The following NPAS3 variants were observed in gnomAD, a reference collection of about 807,000 sequenced individuals.
NPAS3 encodes the protein neuronal PAS domain-containing protein 3.
Under a neutral mutation model 73.1 loss-of-function variants are expected in NPAS3, and 14 were observed. The ratio of observed to expected loss-of-function variants is 0.19; its 90% confidence interval spans 0.13 to 0.30. The LOEUF (loss-of-function observed/expected upper bound fraction) is 0.30, where lower values mean the gene tolerates loss of function less well. Among genes scored for constraint, NPAS3 ranks in the 10% least tolerant of loss-of-function variants. The probability of loss-of-function intolerance (pLI) is 1.00; values close to 1 mark genes in which losing one functional copy is unlikely to be tolerated. For synonymous variants in NPAS3, 620 were observed against 541.5 expected, an observed-to-expected ratio of 1.14 and a Z score of -2.01; for missense variants, 1,096 against 1,250.0, an observed-to-expected ratio of 0.88 and a Z score of 1.86.
At chr14:33,527,934 G>A (rs2140151672) in intron 4 of NPAS3, among the ~76,000 whole-genome samples, 1 of 152,158 alleles carries the variant, frequency 6.6e-6, no homozygotes, top group East Asian at 1.9e-4. Context: ...TTCAACACAA[G>A]GAATCCAGGA....
intron 5 of NPAS3, among the ~76,000 whole-genome samples, chr14:33,597,876 C>A (rs1328605958): frequency 6.6e-6 from 1 of 152,184 alleles, no homozygotes; most frequent in African/African-American, 2.4e-5. Context: ...TACCTATATA[C>A]TGTCTTCAAG....
intron 2 of NPAS3, among the ~76,000 whole-genome samples, chr14:33,096,613 A>T (rs1308084805): frequency 6.6e-6 from 1 of 152,160 alleles, no homozygotes; most frequent in Non-Finnish European, 1.5e-5. Context: ...GGAGTAATAA[A>T]ATTGAACTAA....
chr14:33,318,645 A>G (rs959745996), intron 3 of NPAS3, among the ~76,000 whole-genome samples: 5 of 152,138 alleles, frequency 3.3e-5, no homozygotes, highest in African/African-American at 1.2e-4. Flanking sequence ...GGTAGAAGGT[A>G]TATGGATATT....
chr14:33,784,174 G>A (rs1468765075), intron 9 of NPAS3, among the ~76,000 whole-genome samples: 6 of 152,278 alleles, frequency 3.9e-5, no homozygotes, highest in Admixed American at 6.5e-5. Context: ...TCCCTTGGGC[G>A]AATACTTTCC....
At chr14:33,431,302 G>A (rs896156146) in intron 4 of NPAS3, among the ~76,000 whole-genome samples, 1 of 152,100 alleles carries the variant, frequency 6.6e-6, no homozygotes, top group Non-Finnish European at 1.5e-5. Flanking sequence ...GGTCTTTAGT[G>A]TCACTGAATA....
chr14:33,397,186 C>G (rs367553590), intron 4 of NPAS3, among the ~76,000 whole-genome samples: 1 of 152,054 alleles, frequency 6.6e-6, no homozygotes, highest in East Asian at 1.9e-4. Flanking sequence ...CAAAATCTCC[C>G]CTTGACTTGG....
intron 5 of NPAS3, among the ~76,000 whole-genome samples, chr14:33,633,143 A>T (rs1441111262): frequency 6.6e-6 from 1 of 152,234 alleles, no homozygotes; most frequent in Non-Finnish European, 1.5e-5. Context: ...TATAGGGAGG[A>T]TATGCTTAGG....
At chr14:33,353,988 A>G (rs2045208649) in intron 3 of NPAS3, among the ~76,000 whole-genome samples, 1 of 152,218 alleles carries the variant, frequency 6.6e-6, no homozygotes, top group African/African-American at 2.4e-5. Context: ...GCACCACACC[A>G]TGGTACATTA....
chr14:33,160,299 C>CT, intron 2 of NPAS3, among the ~76,000 whole-genome samples: 1 of 152,108 alleles, frequency 6.6e-6, no homozygotes, highest in East Asian at 1.9e-4. Flanking sequence ...TAAAATCTAT[C>CT]TTTTTGGGTT....
At chr14:33,664,640 A>T (rs2059401280) in intron 5 of NPAS3, among the ~76,000 whole-genome samples, 1 of 152,230 alleles carries the variant, frequency 6.6e-6, no homozygotes. Flanking sequence ...TAATATCCAG[A>T]ATCTACAAGG....
chr14:33,276,785 A>G (rs369825634), intron 3 of NPAS3, among the ~76,000 whole-genome samples: 11 of 152,252 alleles, frequency 7.2e-5, no homozygotes, highest in African/African-American at 2.4e-4. Context: ...ATGCTTTAAG[A>G]TAAATGATAC....
chr14:32,938,457 A>AAGAGAGAGAGAGAGAGAGAAAGAGAG, upstream of NPAS3, among the ~76,000 whole-genome samples: 1 of 68,668 alleles, frequency 1.5e-5, no homozygotes, highest in Middle Eastern at 9.8e-3. Flanking sequence ...CCCAACGAGA[A>AAGAGAGAGAGAGAGAGAGAAAGAGAG]AGAGAGAGAG....
At chr14:33,134,647 G>A (rs2209503) in intron 2 of NPAS3, among the ~76,000 whole-genome samples, 94,190 of 151,850 alleles carry the variant, frequency 0.62, 30,951 homozygotes, top group Middle Eastern at 0.78. Flanking sequence ...GTGGCTTCAT[G>A]TAAGAGTAGT....
intron 2 of NPAS3, among the ~76,000 whole-genome samples, chr14:33,090,229 T>C (rs1232540699): frequency 6.6e-6 from 1 of 152,194 alleles, no homozygotes; most frequent in Non-Finnish European, 1.5e-5. Flanking sequence ...TCAAGGCCCA[T>C]CAGTGTGCTG....
intron 3 of NPAS3, among the ~76,000 whole-genome samples, chr14:33,275,162 C>A (rs1053427051): frequency 6.6e-6 from 1 of 152,086 alleles, no homozygotes; most frequent in Admixed American, 6.6e-5. Context: ...TTTGGAAAAA[C>A]CATTACTGTA....
chr14:33,427,559 C>T (rs1472718905), intron 4 of NPAS3, among the ~76,000 whole-genome samples: 1 of 151,582 alleles, frequency 6.6e-6, no homozygotes, highest in Non-Finnish European at 1.5e-5. Flanking sequence ...GTGAGATGCC[C>T]ACAGCTAGAC....
intron 3 of NPAS3, among the ~76,000 whole-genome samples, chr14:33,287,067 C>A (rs1014618748): frequency 2.4e-4 from 36 of 151,944 alleles, no homozygotes; most frequent in African/African-American, 8.4e-4. Flanking sequence ...CCTGGAAATA[C>A]AATTTGTAAT....
chr14:33,788,354 G>A (rs543713058), intron 9 of NPAS3, among the ~76,000 whole-genome samples: 3 of 152,252 alleles, frequency 2.0e-5, no homozygotes, highest in Admixed American at 6.5e-5. Context: ...CTCTTTGTTC[G>A]GCTGTGTGAA....
intron 5 of NPAS3, among the ~76,000 whole-genome samples, chr14:33,630,165 C>T (rs569572039): frequency 6.6e-6 from 1 of 152,222 alleles, no homozygotes; most frequent in South Asian, 2.1e-4. Flanking sequence ...TAGACCATTA[C>T]CAAGTCAATT....
Sources: allele counts gnomAD v4.1 joint callset (sites outside exome capture counted in the v4.1 genomes callset), GRCh38; gene constraint gnomAD v4.1.1; transcripts MANE v1.5; gene names NCBI Gene and HGNC (gene_info 2026-07-23, HGNC 2026-07-21).